KALRN: variants seen among roughly 807,000 people sequenced by gnomAD.
KALRN encodes the protein kalirin RhoGEF kinase.
KALRN carries 70 observed loss-of-function variants against 353.7 expected under a neutral mutation model. The observed-to-expected ratio is 0.20, with a 90% confidence interval of 0.16 to 0.24. KALRN has a LOEUF of 0.24. Ranked by LOEUF, KALRN falls within the 10% of genes least tolerant of loss-of-function variation. KALRN has a pLI of 1.00. For missense variants in KALRN, 2,791 were observed against 3,756.7 expected, an observed-to-expected ratio of 0.74 and a Z score of 6.72; for synonymous variants, 1,391 against 1,434.8, an observed-to-expected ratio of 0.97 and a Z score of 0.69.
At chr3:124,221,923 G>A (rs1287858045) in intron 1 of KALRN, among the ~76,000 whole-genome samples, 1 of 152,186 alleles carries the variant, frequency 6.6e-6, no homozygotes, top group Non-Finnish European at 1.5e-5. Context: ...GATGGGCACT[G>A]TGTTCTCAGA....
chr3:124,175,429 G>A (rs1175632221), intron 1 of KALRN, among the ~76,000 whole-genome samples: 4 of 149,190 alleles, frequency 2.7e-5, no homozygotes, highest in Non-Finnish European at 5.9e-5. Context: ...GCGCGCTGCC[G>A]AGGGTCCAGG....
At chr3:124,511,428 C>T (rs560139761) in intron 33 of KALRN, among the ~76,000 whole-genome samples, 18 of 152,338 alleles carry the variant, frequency 1.2e-4, no homozygotes, top group African/African-American at 4.1e-4. Flanking sequence ...TGTCTGTAGA[C>T]ATCGTGGCCC....
chr3:124,085,125 TG>T (rs1450610170), intron 1 of KALRN, among the ~76,000 whole-genome samples: 1 of 152,336 alleles, frequency 6.6e-6, no homozygotes, highest in East Asian at 1.9e-4. Context: ...GCTTGAGGTT[TG>T]GGGAGTCAGA....
At chr3:124,519,193 G>T in intron 33 of KALRN, 1 of 982,800 alleles carries the variant, frequency 1.0e-6, no homozygotes, top group Non-Finnish European at 1.2e-6. Flanking sequence ...TGTTGAGGGT[G>T]GGTGGGAAGA....
intron 33 of KALRN, among the ~76,000 whole-genome samples, chr3:124,514,509 C>T (rs144565612): frequency 6.6e-6 from 1 of 152,326 alleles, no homozygotes; most frequent in East Asian, 1.9e-4. Flanking sequence ...TTACTGAACT[C>T]CTAATATGAG....
At chr3:124,676,129 T>G (rs982589415) in intron 49 of KALRN, among the ~76,000 whole-genome samples, 1 of 152,228 alleles carries the variant, frequency 6.6e-6, no homozygotes, top group Non-Finnish European at 1.5e-5. Context: ...CCTCTAAATA[T>G]CCAGGCACTA....
At chr3:124,268,644 T>G in intron 4 of KALRN, 99 bp from the exon 5 acceptor site, 8 of 1,267,008 alleles carry the variant, frequency 6.3e-6, no homozygotes, top group Non-Finnish European at 9.0e-6. Context: ...GCTGTGGTCA[T>G]TATTATGTGG....
intron 2 of KALRN, 97 bp downstream of exon 2, chr3:124,228,161 A>G (rs1430361268): frequency 1.5e-5 from 15 of 995,718 alleles, no homozygotes; most frequent in Non-Finnish European, 2.4e-5. Flanking sequence ...GGGGAGAAGT[A>G]GGGGTGGGGA....
intron 32 of KALRN, among the ~76,000 whole-genome samples, chr3:124,495,798 A>ATTACATCTTAATTACAGC (rs1258659053): frequency 4.7e-5 from 7 of 147,428 alleles, no homozygotes; most frequent in African/African-American, 1.7e-4. Flanking sequence ...GCCAGCTGTA[A>ATTACATCTTAATTACAGC]ATGAACCCTC....
At chr3:124,519,961 G>T in intron 33 of KALRN, 1 of 787,662 alleles carries the variant, frequency 1.3e-6, no homozygotes, top group Non-Finnish European at 1.5e-6. Context: ...GTCAAGCTGG[G>T]GACAGATGCA....
rs980806073 is a variant in KALRN, at chr3:124,566,338, A to G, written c.5182+3249A>G. Among the ~76,000 whole-genome samples, 14 of 152,050 alleles carry G rather than the reference A, an allele frequency of 9.2e-5. 1 individual carries two copies. In the South Asian group the frequency reaches 2.5e-3, roughly 27 times the overall value. On this transcript the variant is annotated intron_variant, in intron 34 of 59. Transcript: ENST00000682506. ...CAACATGGCGAAACCCTGTCTCTAC[A>G]AAAAAAATTTAAAAATTAGCCAGGT...
chr3:124,637,698 T>A (rs1038459339), intron 37 of KALRN, among the ~76,000 whole-genome samples: 7 of 152,124 alleles, frequency 4.6e-5, no homozygotes, highest in Non-Finnish European at 1.0e-4. Flanking sequence ...ACTAGGAAAT[T>A]TTATGGGGAC....
chr3:124,433,596 T>TAAAAAAAAAA (rs144487793), intron 16 of KALRN, among the ~76,000 whole-genome samples: 2 of 95,132 alleles, frequency 2.1e-5, no homozygotes, highest in Non-Finnish European at 4.2e-5. Flanking sequence ...AGACCCTGTC[T>TAAAAAAAAAA]AAAAAAAAAA....
At chr3:124,568,742 A>G (rs2073160465) in intron 34 of KALRN, among the ~76,000 whole-genome samples, 1 of 152,242 alleles carries the variant, frequency 6.6e-6, no homozygotes, top group Non-Finnish European at 1.5e-5. Context: ...GCCAGACACA[A>G]AAGGACAAAT....
At chr3:124,470,020 C>T (rs1005315257) in intron 25 of KALRN, among the ~76,000 whole-genome samples, 4 of 152,144 alleles carry the variant, frequency 2.6e-5, no homozygotes, top group Non-Finnish European at 5.9e-5. Flanking sequence ...TAATAAATGC[C>T]AGCAGTTTCA....
intron 33 of KALRN, among the ~76,000 whole-genome samples, chr3:124,499,661 T>C (rs557603047): frequency 1.6e-4 from 24 of 152,364 alleles, no homozygotes; most frequent in Admixed American, 9.8e-4. Flanking sequence ...CTCTTTTCCA[T>C]CTGCTAGCCC....
intron 25 of KALRN, among the ~76,000 whole-genome samples, chr3:124,472,759 G>A (rs750292910): frequency 6.2e-4 from 95 of 152,030 alleles, no homozygotes; most frequent in Non-Finnish European, 2.5e-4. Context: ...GTCATATAAA[G>A]TACATATTAG....
Position 124,240,920 on chromosome 3 carries a change from C to A in KALRN, c.263+5977C>A, listed in dbSNP as rs150260586. On this transcript the variant is annotated intron_variant, in intron 3 of 59. Transcript: ENST00000682506. ...AGGTGCTCGTAATTGTTAGTCTTTC[C>A]CCTAAAGGAGGTCAGTAATAGTAAT... 3.4e-3 allele frequency among the ~76,000 whole-genome samples: 515 copies of A among 152,066 alleles called. 3 individuals carry two copies. The highest frequency in any genetic ancestry group is 0.024 in the Middle Eastern group (7 of 294).
intron 1 of KALRN, among the ~76,000 whole-genome samples, chr3:124,090,833 G>A (rs767344765): frequency 4.6e-5 from 7 of 152,172 alleles, no homozygotes; most frequent in African/African-American, 9.7e-5. Context: ...ATAACCAACC[G>A]TCTAAGGTGA....
Sources: gnomAD v4.1 joint callset for allele counts (sites outside exome capture counted in the v4.1 genomes callset) on GRCh38, gnomAD v4.1.1 for gene constraint, MANE v1.5 for transcripts, NCBI Gene and HGNC (gene_info 2026-07-23, HGNC 2026-07-21) for gene names.